GPC6: variants seen among roughly 807,000 people sequenced by gnomAD.
The protein encoded by GPC6 is glypican 6.
In GPC6, 14 loss-of-function variants were observed where a neutral mutation model predicts 55.2. That is an observed-to-expected ratio of 0.25 (90% CI 0.17 to 0.40). The LOEUF is 0.40. Ranked by LOEUF, GPC6 falls within the 10% of genes least tolerant of loss-of-function variation. The probability of loss-of-function intolerance (pLI) is 1.00; values close to 1 mark genes in which losing one functional copy is unlikely to be tolerated. For synonymous variants in GPC6, 278 were observed against 259.6 expected (o/e 1.07, Z -0.68); for missense variants, 641 against 708.5 (o/e 0.90, Z 1.08).
intron 1 of GPC6, among the ~76,000 whole-genome samples, chr13:93,410,093 C>A (rs1208063129): frequency 3.9e-5 from 6 of 152,126 alleles, no homozygotes; most frequent in African/African-American, 1.4e-4. Flanking sequence ...AAGATTGAGT[C>A]CAGCTCAGGG....
chr13:93,760,724 C>A (rs916676177), intron 2 of GPC6, among the ~76,000 whole-genome samples: 3 of 152,198 alleles, frequency 2.0e-5, no homozygotes, highest in African/African-American at 7.2e-5. Context: ...GATATGCTTT[C>A]TCCTGCATTC....
At chr13:94,086,884 A>G (rs1046979575) in intron 4 of GPC6, among the ~76,000 whole-genome samples, 4 of 152,202 alleles carry the variant, frequency 2.6e-5, no homozygotes, top group African/African-American at 9.6e-5. Flanking sequence ...ATAAAACGAC[A>G]TGTGTCTTTA....
At chr13:93,814,017 C>T (rs1202729572) in intron 2 of GPC6, among the ~76,000 whole-genome samples, 1 of 152,070 alleles carries the variant, frequency 6.6e-6, no homozygotes, top group Admixed American at 6.6e-5. Flanking sequence ...TTCTAGGTGT[C>T]TTCTTAACAT....
chr13:93,522,740 GATAGGCTAAAATC>G (rs2139401739), intron 1 of GPC6, among the ~76,000 whole-genome samples: 1 of 152,030 alleles, frequency 6.6e-6, no homozygotes, highest in Non-Finnish European at 1.5e-5. Context: ...CTGCTCTGCA[GATAGGCTAAAATC>G]CGGAGGCATT....
At chr13:93,225,283 A>G (rs1421592179), upstream of GPC6, among the ~76,000 whole-genome samples, 1 of 152,196 alleles carries the variant, frequency 6.6e-6, no homozygotes, top group Non-Finnish European at 1.5e-5. Context: ...CTTGACTGCA[A>G]TTCCTGAGCC....
intron 3 of GPC6, among the ~76,000 whole-genome samples, chr13:93,994,750 C>T (rs527762833): frequency 1.9e-4 from 29 of 152,110 alleles, no homozygotes; most frequent in African/African-American, 6.5e-4. Flanking sequence ...TTTTTGTTTC[C>T]CTAATCTGTG....
intron 4 of GPC6, among the ~76,000 whole-genome samples, chr13:94,189,252 G>A (rs901175992): frequency 6.6e-6 from 1 of 152,064 alleles, no homozygotes; most frequent in African/African-American, 2.4e-5. Flanking sequence ...TCTCTCCTCT[G>A]TACAAAATGG....
intron 1 of GPC6, among the ~76,000 whole-genome samples, chr13:93,523,924 T>C (rs1445276): frequency 0.13 from 19,852 of 151,664 alleles, 1,472 homozygotes; most frequent in East Asian, 0.29. Context: ...CCAGTGTGAG[T>C]CTAGAATAAG....
At chr13:93,722,933 G>C (rs1459854631) in intron 2 of GPC6, among the ~76,000 whole-genome samples, 1 of 151,796 alleles carries the variant, frequency 6.6e-6, no homozygotes, top group African/African-American at 2.4e-5. Context: ...GCCACTCCCT[G>C]CCACTTGAGA....
At chr13:94,278,135 T>C (rs1259316310) in intron 4 of GPC6, among the ~76,000 whole-genome samples, 1 of 152,242 alleles carries the variant, frequency 6.6e-6, no homozygotes, top group Non-Finnish European at 1.5e-5. Flanking sequence ...GTAGTTCTCC[T>C]TGACGCGGTC....
chr13:93,585,083 G>T (rs1027057207), intron 2 of GPC6, among the ~76,000 whole-genome samples: 4 of 152,172 alleles, frequency 2.6e-5, no homozygotes, highest in African/African-American at 4.8e-5. Context: ...TTAGCTCAGG[G>T]TTTAGCATCC....
At chr13:93,519,427 T>C (rs537584893) in intron 1 of GPC6, among the ~76,000 whole-genome samples, 23 of 152,126 alleles carry the variant, frequency 1.5e-4, no homozygotes, top group Non-Finnish European at 2.9e-4. Context: ...AAACTACATT[T>C]TCCTAGTACA....
At chr13:93,469,791 T>A (rs764070451) in intron 1 of GPC6, among the ~76,000 whole-genome samples, 2 of 134,822 alleles carry the variant, frequency 1.5e-5, no homozygotes. Flanking sequence ...TTACACTAGG[T>A]TTTTTTTGTT....
intron 4 of GPC6, among the ~76,000 whole-genome samples, chr13:94,139,707 T>G (rs1887308449): frequency 6.6e-6 from 1 of 152,186 alleles, no homozygotes; most frequent in African/African-American, 2.4e-5. Context: ...TTGCTCATTT[T>G]CTGTTGGACA....
rs58503000 is a variant in GPC6, at chr13:93,325,531, C to G, written c.160+97915C>G. 1.1e-4 allele frequency among the ~76,000 whole-genome samples: 17 copies of G among 152,132 alleles called. No individual in the cohort carries two copies. In the East Asian group the frequency reaches 1.2e-3, roughly 10 times the overall value. On this transcript the variant is annotated intron_variant, in intron 1 of 8. Coordinates refer to ENST00000377047, the MANE Select transcript of GPC6 (RefSeq NM_005708.5). The stretch of plus-strand genomic sequence containing the variant: ...AGATGCTAGAAGAGTAAGCAGTGGC[C>G]ATTCTAAGGTGCTGCAGTTTGATTT...
chr13:94,332,965 C>T (rs1877501272), intron 6 of GPC6, among the ~76,000 whole-genome samples: 1 of 152,076 alleles, frequency 6.6e-6, no homozygotes, highest in African/African-American at 2.4e-5. Context: ...GAAATCATTG[C>T]GAGGATTCTG....
chr13:94,354,903 G>A (rs1878717314), intron 6 of GPC6, among the ~76,000 whole-genome samples: 1 of 152,220 alleles, frequency 6.6e-6, no homozygotes, highest in Admixed American at 6.5e-5. Flanking sequence ...AAGGATGGAA[G>A]TGGAGAGAGA....
chr13:93,885,452 G>A (rs570184422), intron 3 of GPC6, among the ~76,000 whole-genome samples: 31 of 150,692 alleles, frequency 2.1e-4, no homozygotes, highest in Admixed American at 1.7e-3. Context: ...AATTCTCTGG[G>A]GAATTTGGAT....
intron 2 of GPC6, among the ~76,000 whole-genome samples, chr13:93,632,429 G>T (rs1158212373): frequency 2.0e-5 from 3 of 151,794 alleles, no homozygotes; most frequent in Non-Finnish European, 2.9e-5. Context: ...GAGCAACATG[G>T]CGAAATTCAT....
Sources: gnomAD v4.1 joint callset for allele counts (sites outside exome capture counted in the v4.1 genomes callset) on GRCh38, gnomAD v4.1.1 for gene constraint, MANE v1.5 for transcripts, NCBI Gene and HGNC (gene_info 2026-07-23, HGNC 2026-07-21) for gene names.